The following TNFAIP8L3 variants were observed in gnomAD, a reference collection of about 807,000 sequenced individuals.
TNFAIP8L3 encodes the protein tumor necrosis factor alpha-induced protein 8-like protein 3.
TNFAIP8L3 carries 7 observed loss-of-function variants against 11.8 expected under a neutral mutation model. The observed-to-expected ratio is 0.59, with a 90% CI of 0.34 to 1.11. The LOEUF (loss-of-function observed/expected upper bound fraction) is 1.11, where lower values mean the gene tolerates loss of function less well. Ranked by LOEUF, TNFAIP8L3 falls within the 50% of genes most tolerant of loss-of-function variation. TNFAIP8L3 has a pLI of 0.03. For synonymous variants in TNFAIP8L3, 98 were observed against 103.8 expected, an observed-to-expected ratio of 0.94 and a Z score of 0.34; for missense variants, 219 against 258.6, an observed-to-expected ratio of 0.85 and a Z score of 1.05.
At chr15:51,078,703 TGAA>T (rs2065372061) in intron 1 of TNFAIP8L3, among the ~76,000 whole-genome samples, 1 of 151,946 alleles carries the variant, frequency 6.6e-6, no homozygotes, top group East Asian at 2.0e-4. Flanking sequence ...CCAACCCTCC[TGAA>T]GTCCTCTCCT....
chr15:51,092,354 A>G (rs2065477584), intron 1 of TNFAIP8L3, among the ~76,000 whole-genome samples: 1 of 152,250 alleles, frequency 6.6e-6, no homozygotes, highest in South Asian at 2.1e-4. Context: ...TCTAAGGAGA[A>G]CACACCTGTT....
intron 1 of TNFAIP8L3, among the ~76,000 whole-genome samples, chr15:51,102,490 A>T (rs2065561305): frequency 6.6e-6 from 1 of 152,194 alleles, no homozygotes. Context: ...TACTTAGAAA[A>T]GCTAAATACA....
intron 1 of TNFAIP8L3, among the ~76,000 whole-genome samples, chr15:51,103,365 A>C (rs2065567238): frequency 6.6e-6 from 1 of 152,226 alleles, no homozygotes; most frequent in Non-Finnish European, 1.5e-5. Context: ...ATTGCAGAGA[A>C]GGGAATTCCT....
intron 1 of TNFAIP8L3, among the ~76,000 whole-genome samples, chr15:51,080,580 T>C (rs2065383920): frequency 6.6e-6 from 1 of 152,246 alleles, no homozygotes; most frequent in South Asian, 2.1e-4. Flanking sequence ...CAACTCCTTT[T>C]TCTTAATTTG....
At chr15:51,088,952 T>C (rs2065448089) in intron 1 of TNFAIP8L3, among the ~76,000 whole-genome samples, 1 of 151,818 alleles carries the variant, frequency 6.6e-6, no homozygotes. Context: ...TTTGGGGGTG[T>C]AAAGGTATAA....
chr15:51,068,725 G>C (rs557274427), intron 1 of TNFAIP8L3, among the ~76,000 whole-genome samples: 15 of 144,940 alleles, frequency 1.0e-4, no homozygotes, highest in African/African-American at 3.8e-4. Context: ...AGAGTGCAGT[G>C]GCACAATCTC....
intron 1 of TNFAIP8L3, among the ~76,000 whole-genome samples, chr15:51,065,472 T>C (rs1423955911): frequency 1.3e-5 from 2 of 152,290 alleles, no homozygotes; most frequent in South Asian, 4.1e-4. Flanking sequence ...AAGCTAATGG[T>C]GATAAACAAC....
At chr15:51,067,374 C>T (rs2065278430) in intron 1 of TNFAIP8L3, among the ~76,000 whole-genome samples, 1 of 152,176 alleles carries the variant, frequency 6.6e-6, no homozygotes, top group African/African-American at 2.4e-5. Context: ...CCCAAATTTC[C>T]ACCACCTGCC....
intron 1 of TNFAIP8L3, among the ~76,000 whole-genome samples, chr15:51,091,104 C>T (rs2065465941): frequency 6.6e-6 from 1 of 152,142 alleles, no homozygotes; most frequent in African/African-American, 2.4e-5. Context: ...ATAAACCTTG[C>T]CTCTTCCCTA....
chr15:51,098,162 C>T (rs1445572180), upstream of TNFAIP8L3, among the ~76,000 whole-genome samples: 1 of 152,172 alleles, frequency 6.6e-6, no homozygotes, highest in East Asian at 1.9e-4. Flanking sequence ...TAAAATAGAT[C>T]CATTTCTGCT....
intron 1 of TNFAIP8L3, among the ~76,000 whole-genome samples, chr15:51,073,100 G>A (rs1284849376): frequency 2.0e-5 from 3 of 150,052 alleles, no homozygotes; most frequent in East Asian, 2.0e-4. Context: ...GGTTTCAAGC[G>A]ATTCTTCTGC....
chr15:51,086,550 G>A (rs1465276229), intron 1 of TNFAIP8L3, among the ~76,000 whole-genome samples: 1 of 152,152 alleles, frequency 6.6e-6, no homozygotes, highest in African/African-American at 2.4e-5. Flanking sequence ...ATCTAATTAC[G>A]TAGTCTACCT....
intron 1 of TNFAIP8L3, among the ~76,000 whole-genome samples, chr15:51,074,565 CA>C (rs2065335912): frequency 6.6e-6 from 1 of 152,208 alleles, no homozygotes. Flanking sequence ...TGGCTCTGCC[CA>C]CCGGATCCCA....
At chr15:51,104,396 C>T (rs1567300432) in intron 1 of TNFAIP8L3, among the ~76,000 whole-genome samples, 1 of 152,222 alleles carries the variant, frequency 6.6e-6, no homozygotes, top group Non-Finnish European at 1.5e-5. Context: ...TCCTGCTATG[C>T]TCCCCACTCA....
intron 1 of TNFAIP8L3, among the ~76,000 whole-genome samples, chr15:51,102,108 T>C (rs1357409538): frequency 1.3e-5 from 2 of 152,090 alleles, no homozygotes; most frequent in African/African-American, 4.8e-5. Context: ...TGTGGGAGGC[T>C]GGAGTCCACG....
intron 1 of TNFAIP8L3, among the ~76,000 whole-genome samples, chr15:51,076,766 C>T (rs1231398845): frequency 2.6e-5 from 4 of 152,192 alleles, no homozygotes; most frequent in Admixed American, 6.5e-5. Context: ...CCACCCCCAG[C>T]GCACTCACTG....
At chr15:51,074,953 C>T (rs2140971320) in intron 1 of TNFAIP8L3, among the ~76,000 whole-genome samples, 1 of 152,346 alleles carries the variant, frequency 6.6e-6, no homozygotes, top group East Asian at 1.9e-4. Context: ...TGGCCATCTA[C>T]TTTCCGCATC....
At chr15:51,083,750 C>T (rs961404314) in intron 1 of TNFAIP8L3, among the ~76,000 whole-genome samples, 3 of 152,132 alleles carry the variant, frequency 2.0e-5, no homozygotes, top group Non-Finnish European at 4.4e-5. Flanking sequence ...GGTGGAGGCA[C>T]CAGAGAAAGC....
chr15:51,083,620 G>A (rs887267626), intron 1 of TNFAIP8L3, among the ~76,000 whole-genome samples: 6 of 152,224 alleles, frequency 3.9e-5, no homozygotes, highest in Admixed American at 2.6e-4. Context: ...TTTAGACTGG[G>A]ATGCTGCAGT....
Sources: allele counts gnomAD v4.1 joint callset (sites outside exome capture counted in the v4.1 genomes callset), GRCh38; gene constraint gnomAD v4.1.1; transcripts MANE v1.5; gene names NCBI Gene and HGNC (gene_info 2026-07-23, HGNC 2026-07-21).